THSD7A: variants seen among roughly 807,000 people sequenced by gnomAD.
THSD7A encodes the protein thrombospondin type 1 domain containing 7A.
In THSD7A, 96 loss-of-function variants were observed where a neutral mutation model predicts 231.3. The observed-to-expected ratio is 0.41, with a 90% CI of 0.35 to 0.49. The LOEUF is 0.49. THSD7A is among the 20% of genes least tolerant of loss of function. The probability of loss-of-function intolerance (pLI) is 0.05; values close to 1 mark genes in which losing one functional copy is unlikely to be tolerated. For synonymous variants in THSD7A, 940 were observed against 743.3 expected, an observed-to-expected ratio of 1.26 and a Z score of -4.30; for missense variants, 2,290 against 2,070.2, an observed-to-expected ratio of 1.11 and a Z score of -2.06.
At chr7:11,752,850 C>T (rs554413959) in intron 1 of THSD7A, among the ~76,000 whole-genome samples, 2 of 152,094 alleles carry the variant, frequency 1.3e-5, no homozygotes, top group South Asian at 2.1e-4. Flanking sequence ...TGCTTGAGGC[C>T]GAGAGGTCAA....
At chr7:11,593,124 T>G (rs1780229186) in intron 3 of THSD7A, 130 bp downstream of exon 3, 1 of 1,309,416 alleles carries the variant, frequency 7.6e-7, no homozygotes, top group African/African-American at 1.5e-5. Flanking sequence ...AAGTTTTTTT[T>G]AAGGATACTG....
chr7:11,702,949 AAGAC>A (rs1465432514), intron 1 of THSD7A, among the ~76,000 whole-genome samples: 2 of 151,250 alleles, frequency 1.3e-5, no homozygotes, highest in Non-Finnish European at 3.0e-5. Flanking sequence ...TTAGCTTTCT[AAGAC>A]AGAAACTTAT....
At chr7:11,454,533 T>G (rs1186961695) in intron 11 of THSD7A, among the ~76,000 whole-genome samples, 1 of 151,734 alleles carries the variant, frequency 6.6e-6, no homozygotes, top group Non-Finnish European at 1.5e-5. Flanking sequence ...AAATGCTGTG[T>G]CTCTTTCACT....
intron 1 of THSD7A, among the ~76,000 whole-genome samples, chr7:11,798,091 G>A (rs116545845): frequency 0.017 from 2,591 of 152,218 alleles, 71 homozygotes; most frequent in African/African-American, 0.058. Context: ...ATTGCAAGTT[G>A]TATAGGATTC....
At chr7:11,450,732 T>A (rs1785116205) in intron 11 of THSD7A, among the ~76,000 whole-genome samples, 1 of 151,992 alleles carries the variant, frequency 6.6e-6, no homozygotes, top group African/African-American at 2.4e-5. Flanking sequence ...AAACTACATA[T>A]ACCCAGAAAA....
chr7:11,640,221 T>A (rs1013357485), intron 1 of THSD7A, among the ~76,000 whole-genome samples: 28 of 152,220 alleles, frequency 1.8e-4, no homozygotes, highest in African/African-American at 6.0e-4. Flanking sequence ...CCTGCAACAG[T>A]TTTAGACAGT....
chr7:11,594,366 C>G (rs6958546), intron 2 of THSD7A, among the ~76,000 whole-genome samples: 65,083 of 151,958 alleles, frequency 0.43, 14,826 homozygotes, highest in East Asian at 0.57. Flanking sequence ...AGTGGTTCTA[C>G]AGGAGCAGAA....
At chr7:11,528,184 G>C (rs1788557119) in intron 6 of THSD7A, among the ~76,000 whole-genome samples, 1 of 151,836 alleles carries the variant, frequency 6.6e-6, no homozygotes, top group Admixed American at 6.6e-5. Flanking sequence ...AAAATAAAAT[G>C]TAGAAAACAA....
intron 1 of THSD7A, among the ~76,000 whole-genome samples, chr7:11,804,168 AT>A (rs1350740045): frequency 3.3e-5 from 5 of 152,116 alleles, no homozygotes; most frequent in Non-Finnish European, 5.9e-5. Flanking sequence ...CATTAATAGA[AT>A]TTTTTGTCAT....
chr7:11,404,572 G>T (rs1218259834), intron 22 of THSD7A, among the ~76,000 whole-genome samples: 2 of 152,210 alleles, frequency 1.3e-5, no homozygotes, highest in African/African-American at 2.4e-5. Flanking sequence ...CACAGCCTTA[G>T]GCTGGGTCTG....
intron 1 of THSD7A, among the ~76,000 whole-genome samples, chr7:11,780,383 T>C (rs79993504): frequency 0.015 from 2,315 of 152,318 alleles, 63 homozygotes; most frequent in African/African-American, 0.053. Flanking sequence ...CGTGGCAAGA[T>C]CATAAGCTCT....
At chr7:11,506,464 C>T (rs948475470) in intron 6 of THSD7A, among the ~76,000 whole-genome samples, 1 of 152,174 alleles carries the variant, frequency 6.6e-6, no homozygotes, top group Non-Finnish European at 1.5e-5. Flanking sequence ...ATTCTGCCTT[C>T]TATGTTTGCT....
chr7:11,481,861 G>A lies in THSD7A; in HGVS notation c.1944C>T (p.His648=), dbSNP rs762763275. 3 of 1,613,774 alleles carry A rather than the reference G, an allele frequency of 1.9e-6. No individual in the cohort carries two copies. Among genetic ancestry groups the A allele is most frequent in the East Asian group, 2.2e-5 (1 of 44,856 alleles). ...CTTCTGTCGTTTTCCCTGAGCAGGT[G>A]TGTGAGCAGGAGGACCACGTAGACC... ...STWSTWSSCS[H]TCSGKTTEGK... The change falls in exon 7 of 28, where the codon CAC becomes CAT. Residue 648 remains histidine (H), a synonymous_variant. Transcript: ENST00000423059.
At chr7:11,642,138 G>A (rs1487270841) in intron 1 of THSD7A, among the ~76,000 whole-genome samples, 1 of 152,126 alleles carries the variant, frequency 6.6e-6, no homozygotes, top group Non-Finnish European at 1.5e-5. Flanking sequence ...AGGAAAATAT[G>A]AAATCCTCTA....
At chr7:11,496,302 C>A (rs1787096499) in intron 6 of THSD7A, among the ~76,000 whole-genome samples, 1 of 152,060 alleles carries the variant, frequency 6.6e-6, no homozygotes, top group African/African-American at 2.4e-5. Flanking sequence ...CTATGCTGTC[C>A]CCTCTTAGTG....
chr7:11,751,793 AC>A (rs1281049335), intron 1 of THSD7A, among the ~76,000 whole-genome samples: 1 of 151,934 alleles, frequency 6.6e-6, no homozygotes, highest in Non-Finnish European at 1.5e-5. Context: ...TCAATTTCTG[AC>A]CCAGGATAAC....
At chr7:11,801,375 T>A (rs768692699) in intron 1 of THSD7A, among the ~76,000 whole-genome samples, 4 of 152,152 alleles carry the variant, frequency 2.6e-5, no homozygotes, top group Admixed American at 6.6e-5. Flanking sequence ...CCAAAGTAAG[T>A]CTTTTACATA....
At chr7:11,735,238 G>A (rs1781875284) in intron 1 of THSD7A, among the ~76,000 whole-genome samples, 1 of 151,716 alleles carries the variant, frequency 6.6e-6, no homozygotes, top group Non-Finnish European at 1.5e-5. Flanking sequence ...GGTATTTTTG[G>A]TGTTCTATGG....
rs113908308 is a variant in THSD7A at position 11,488,457 on chromosome 7, C to G, written c.1823-6475G>C. On this transcript the variant is annotated intron_variant, in intron 6 of 27. Coordinates refer to ENST00000423059, the MANE Select transcript of THSD7A (RefSeq NM_015204.3). ...CACCCTCAGCTTACTGAAGAAGACC[C>G]ATGAACTGAGACTTATGCCTCATTC... Among the ~76,000 whole-genome samples the G allele has an allele frequency of 6.3e-3, 952 of 152,170 alleles. 6 individuals are homozygous for G. The highest frequency in any genetic ancestry group is 0.01 in the Middle Eastern group (3 of 294).
Sources: allele counts gnomAD v4.1 joint callset (sites outside exome capture counted in the v4.1 genomes callset), GRCh38; gene constraint gnomAD v4.1.1; transcripts MANE v1.5; gene names NCBI Gene and HGNC (gene_info 2026-07-23, HGNC 2026-07-21).